The following TSKS variants were observed in gnomAD, a reference collection of about 807,000 sequenced individuals.
TSKS encodes the protein testis specific serine kinase substrate.
In TSKS, 27 loss-of-function variants were observed where a neutral mutation model predicts 68.0. The observed-to-expected ratio is 0.40, with a 90% confidence interval of 0.29 to 0.55. The LOEUF (loss-of-function observed/expected upper bound fraction) is 0.55, where lower values mean the gene tolerates loss of function less well. Among genes scored for constraint, TSKS ranks in the 20% least tolerant of loss-of-function variants. TSKS has a pLI of 0.53. For missense variants in TSKS, 806 were observed against 776.0 expected (o/e 1.04, Z -0.46); for synonymous variants, 331 against 340.4 (o/e 0.97, Z 0.30).
intron 6 of TSKS, 86 bp from the exon 7 acceptor site, chr19:49,745,482 A>G: frequency 1.7e-6 from 2 of 1,183,204 alleles, no homozygotes; most frequent in South Asian, 1.7e-5. Flanking sequence ...GACAGGACTC[A>G]CCTATCTCGC....
rs201117096 is a variant in TSKS at position 49,753,890 on chromosome 19, A to ATT, written c.400-5423_400-5422dup. On this transcript the variant is annotated intron_variant, in intron 2 of 10. Coordinates refer to ENST00000246801, the MANE Select transcript of TSKS (RefSeq NM_021733.2). Reference sequence around the variant, plus strand: ...ATTATGATACTTTATTTTTTATTGTATTTTTTTTTTTTGAGACAGAGTCTC... The same window carrying ATT: ...ATTATGATACTTTATTTTTTATTGTATTTTTTTTTTTTTTGAGACAGAGTCTC... 3.3e-3 allele frequency among the ~76,000 whole-genome samples: 472 copies of ATT among 145,228 alleles called. 6 individuals carry two copies. The East Asian group carries it at 0.033, about 10-fold the overall frequency.
chr19:49,742,034 G>T lies in TSKS; in HGVS notation c.1362-14C>A. 1 of 1,612,706 alleles carries T rather than the reference G, an allele frequency of 6.2e-7. No individual in the cohort carries two copies. On this transcript the variant is annotated splice_polypyrimidine_tract_variant and intron_variant, in intron 8 of 10. Transcript: ENST00000246801. ...TGCGACCCCTGGCTGGGGGAGGGGCGGTCACCAGATAAAGAGGCCCAGTAC... is the reference window on the plus strand; with the variant it reads ...TGCGACCCCTGGCTGGGGGAGGGGCTGTCACCAGATAAAGAGGCCCAGTAC...
chr19:49,762,409 T>C (rs1245586966), intron 1 of TSKS, among the ~76,000 whole-genome samples, 177 bp from the exon 2 acceptor site: 1 of 148,448 alleles, frequency 6.7e-6, no homozygotes, highest in Non-Finnish European at 1.5e-5. Flanking sequence ...CTACTTTCTT[T>C]CTTTTTTCTT....
chr19:49,745,415 G>A lies in TSKS; in HGVS notation c.993-19C>T, dbSNP rs1166021578. On this transcript the variant is annotated intron_variant, in intron 6 of 10. Coordinates refer to ENST00000246801, the MANE Select transcript of TSKS (RefSeq NM_021733.2). ...CTCTCTCCTGGAGGGGCAGAGGAGG[G>A]GAATGGGTAGGGGCTAGGCTTCAAC... The A allele has an allele frequency of 6.6e-7, 1 of 1,514,380 alleles. No individual in the cohort carries two copies. Among genetic ancestry groups the A allele is most frequent in the South Asian group, 1.2e-5 (1 of 81,762 alleles). The allele number at this position is 1,514,380 out of a possible 1,614,324, so 93.8% of individuals were successfully genotyped here.
In TSKS at chr19:49,752,237, C is replaced by T. The variant is rs563207862; in HGVS notation, c.400-3768G>A. Among the ~76,000 whole-genome samples, 8 of 151,126 alleles carry T rather than the reference C, an allele frequency of 5.3e-5. No homozygotes were observed. In the East Asian group the frequency reaches 7.9e-4, roughly 15 times the overall value. ...CGACTCTACTGAAAATACAAAAATT[C>T]GCCAGGAATAGTGATGCATGCCTGT... On this transcript the variant is annotated intron_variant, in intron 2 of 10. Transcript: ENST00000246801.
intron 2 of TSKS, 30 bp from the exon 3 acceptor site, chr19:49,748,499 G>T (rs1276750683): frequency 6.3e-7 from 1 of 1,598,236 alleles, no homozygotes; most frequent in Non-Finnish European, 8.6e-7. Context: ...AGGTGAGTTA[G>T]TGGGTATGTG....
intron 2 of TSKS, among the ~76,000 whole-genome samples, chr19:49,752,281 G>A (rs2084357707): frequency 6.6e-6 from 1 of 151,934 alleles, no homozygotes; most frequent in Non-Finnish European, 1.5e-5. Context: ...CTACTTGGGA[G>A]GCTGAGGCAG....
chr19:49,761,930 C>T (rs2084443823), intron 2 of TSKS, 74 bp downstream of exon 2: 5 of 1,280,554 alleles, frequency 3.9e-6, no homozygotes, highest in Non-Finnish European at 5.5e-6. Context: ...ACACCCCACC[C>T]CCGTCCTAAG....
At chr19:49,753,090 C>A (rs1486104420) in intron 2 of TSKS, among the ~76,000 whole-genome samples, 1 of 152,196 alleles carries the variant, frequency 6.6e-6, no homozygotes, top group Non-Finnish European at 1.5e-5. Flanking sequence ...TGACAAAGAA[C>A]ACAGATATTA....
intron 8 of TSKS, 86 bp downstream of exon 8, chr19:49,744,145 C>G: frequency 7.0e-7 from 1 of 1,427,956 alleles, no homozygotes; most frequent in Non-Finnish European, 9.7e-7. Flanking sequence ...AACAGCGCCC[C>G]ACCCTTCACT....
rs1354890359 is a variant in TSKS, at chr19:49,748,148, G to A, written c.516C>T (p.Ser172=). The change falls in exon 4 of 11, where the codon AGC becomes AGT. Residue 172 remains serine, a synonymous_variant. Coordinates refer to ENST00000246801, the MANE Select transcript of TSKS (RefSeq NM_021733.2). ...QSLQSECSVL[S]ENLERRRQEA... ...CTTGCCGCCTTCTCTCCAGATTCTC[G>A]CTCAGCACAGAACACTCGCTCTGGA... 3.7e-6 allele frequency: 6 copies of A among 1,614,038 alleles called. No individual in the cohort carries two copies. The highest frequency in any genetic ancestry group is 1.7e-5 in the Admixed American group (1 of 59,988).
intron 2 of TSKS, among the ~76,000 whole-genome samples, chr19:49,756,112 G>A (rs1447191850): frequency 6.6e-6 from 1 of 152,084 alleles, no homozygotes; most frequent in Admixed American, 6.6e-5. Context: ...ATGTAAAAAG[G>A]ATTATACATG....
chr19:49,746,392 C>A, intron 6 of TSKS, 78 bp downstream of exon 6: 1 of 1,550,074 alleles, frequency 6.5e-7, no homozygotes, highest in Non-Finnish European at 8.8e-7. Flanking sequence ...GGGTCCCGCC[C>A]ACCGCATCTC....
chr19:49,758,599 T>A (rs2084412930), intron 2 of TSKS, among the ~76,000 whole-genome samples: 1 of 152,086 alleles, frequency 6.6e-6, no homozygotes, highest in Non-Finnish European at 1.5e-5. Flanking sequence ...CTCCCAGACA[T>A]CCTTCCCAGC....
chr19:49,761,153 T>C (rs1040862074), intron 2 of TSKS, among the ~76,000 whole-genome samples: 10 of 152,170 alleles, frequency 6.6e-5, no homozygotes, highest in African/African-American at 2.2e-4. Context: ...ATCTCCGTTT[T>C]ACAGATGAGG....
Position 49,745,299 on chromosome 19 carries a change from C to G in TSKS, c.1090G>C (p.Gly364Arg), listed in dbSNP as rs34082111. 4 of 1,605,420 alleles carry G rather than the reference C, an allele frequency of 2.5e-6. No homozygotes were observed. Among genetic ancestry groups the G allele is most frequent in the Non-Finnish European group, 2.5e-6 (3 of 1,179,546 alleles). ...GCCCGCTCCCACTGGCCTAGGAAGC[C>G]GTCGACCCTGCCGCCCAGGCCCCCG... ...LLGGLGGRVD[G>R]FLGQWERAQR... Residue 364 changes from glycine to arginine, a missense_variant, in exon 7 of 11, where the codon GGC becomes CGC. Physicochemically the swap from Gly to Arg is moderately radical, Grantham distance 125. Transcript: ENST00000246801.
intron 2 of TSKS, among the ~76,000 whole-genome samples, chr19:49,748,922 C>T (rs1319199193): frequency 1.3e-5 from 2 of 152,096 alleles, no homozygotes; most frequent in East Asian, 1.9e-4. Flanking sequence ...CAAAAATTAG[C>T]TAGGCGTGGT....
At chr19:49,742,865 C>T (rs948872164) in intron 8 of TSKS, among the ~76,000 whole-genome samples, 7 of 152,016 alleles carry the variant, frequency 4.6e-5, no homozygotes, top group Admixed American at 3.9e-4. Context: ...TAACATTTCC[C>T]ATAATACACT....
chr19:49,747,256 A>G (rs766365418), intron 5 of TSKS, 133 bp downstream of exon 5: 1 of 1,570,356 alleles, frequency 6.4e-7, no homozygotes, highest in Non-Finnish European at 8.6e-7. Flanking sequence ...GCGAGTTCTA[A>G]GGATGACTAT....
Sources: gnomAD v4.1 joint callset for allele counts (sites outside exome capture counted in the v4.1 genomes callset) on GRCh38, gnomAD v4.1.1 for gene constraint, MANE v1.5 for transcripts, NCBI Gene and HGNC (gene_info 2026-07-23, HGNC 2026-07-21) for gene names.